Variants in SCN3A observed in about 807,000 individuals in gnomAD.
SCN3A encodes the protein sodium voltage-gated channel alpha subunit 3, also known as sodium channel protein type 3 subunit alpha.
SCN3A carries 60 observed loss-of-function variants against 187.6 expected under a neutral mutation model. The observed-to-expected ratio is 0.32, with a 90% CI of 0.26 to 0.40. The LOEUF (loss-of-function observed/expected upper bound fraction) is 0.40, where lower values mean the gene tolerates loss of function less well. SCN3A is among the 10% of genes least tolerant of loss of function. The pLI, the probability that SCN3A is intolerant of heterozygous loss-of-function variation, is 1.00. For missense variants in SCN3A, 1,601 were observed against 2,428.2 expected, an observed-to-expected ratio of 0.66 and a Z score of 7.16; for synonymous variants, 788 against 829.2, an observed-to-expected ratio of 0.95 and a Z score of 0.85.
Position 165,143,085 on chromosome 2 carries a change from T to C in SCN3A, c.1672-2087A>G, listed in dbSNP as rs75392249. ...GTGTTTTGAAACATTTGAGTGTATG[T>C]GAATCACTCTGAGAGTTAAAAATAT... On this transcript the variant is annotated intron_variant, in intron 12 of 27. Coordinates refer to ENST00000283254, the MANE Select transcript of SCN3A (RefSeq NM_006922.4). Among the ~76,000 whole-genome samples the C allele has an allele frequency of 5.1e-3, 783 of 152,208 alleles. 2 individuals are homozygous for C. The highest frequency in any genetic ancestry group is 0.018 in the African/African-American group (748 of 41,536).
At chr2:165,130,520 G>A in intron 16 of SCN3A, 1 of 553,778 alleles carries the variant, frequency 1.8e-6, no homozygotes, top group Non-Finnish European at 3.2e-6. Flanking sequence ...AAACATTTCA[G>A]AAATAATAAA....
In SCN3A at chr2:165,089,711, A is replaced by T. The variant is rs1365535828; in HGVS notation, c.*439T>A. On this transcript the variant is annotated 3_prime_UTR_variant, in exon 28 of 28. Transcript: ENST00000283254. ...ATACTGTTTCTTCAACGTAAACCTC[A>T]TTTACAAAAATAGTGACATAGCATT... is the stretch of plus-strand genomic sequence containing the variant. 1 of 162,798 alleles carries T rather than the reference A, an allele frequency of 6.1e-6. No individual in the cohort carries two copies. The highest frequency in any genetic ancestry group is 1.7e-4 in the South Asian group (1 of 5,914). 10.1% of individuals were successfully genotyped at this position (162,798 alleles called of 1,614,324 possible). A position where few individuals can be genotyped will look rare whatever the true frequency, so the allele number is the denominator to read the frequency against.
Position 165,177,559 on chromosome 2 carries a change from T to C in SCN3A, c.-50-1115A>G, listed in dbSNP as rs527384004. 1.4e-4 allele frequency among the ~76,000 whole-genome samples: 21 copies of C among 152,312 alleles called. No homozygotes were observed. The East Asian group carries it at 3.3e-3, about 24-fold the overall frequency. The stretch of plus-strand genomic sequence containing the variant: ...GGCATCCTCACAATTCAAACCACTC[T>C]TTAAACAAGTTCTTGCTGTGCTGGA... On this transcript the variant is annotated intron_variant, in intron 2 of 27. Transcript: ENST00000283254.
At chr2:165,194,165 A>G (rs1691787871) in intron 1 of SCN3A, among the ~76,000 whole-genome samples, 1 of 152,142 alleles carries the variant, frequency 6.6e-6, no homozygotes, top group South Asian at 2.1e-4. Flanking sequence ...AAATCAGACA[A>G]ACTATTCTAG....
intron 3 of SCN3A, among the ~76,000 whole-genome samples, chr2:165,171,531 G>A (rs145846563): frequency 1.3e-5 from 2 of 152,084 alleles, no homozygotes; most frequent in South Asian, 2.1e-4. Context: ...AATTTCTGAG[G>A]GATGGGCACA....
chr2:165,118,955 G>A (rs1686514011), intron 18 of SCN3A, among the ~76,000 whole-genome samples: 1 of 151,864 alleles, frequency 6.6e-6, no homozygotes, highest in African/African-American at 2.4e-5. Flanking sequence ...GTAGAGACGG[G>A]GTTTCACCAT....
chr2:165,130,644 A>G (rs2028364), intron 16 of SCN3A, among the ~76,000 whole-genome samples: 2,278 of 152,268 alleles, frequency 0.015, 43 homozygotes, highest in Admixed American at 0.049. Flanking sequence ...TTAGACAGTA[A>G]AAAGAAATAT....
Position 165,127,736 on chromosome 2 carries a change from G to A in SCN3A, c.3288C>T (p.Asn1096=), listed in dbSNP as rs753944648. The A allele has an allele frequency of 2.5e-6, 4 of 1,614,116 alleles. No homozygotes were observed. The highest frequency in any genetic ancestry group is 3.4e-6 in the Non-Finnish European group (4 of 1,180,010). Residue 1096 remains asparagine (N), a synonymous_variant, in exon 18 of 28, where the codon AAC becomes AAT. Transcript: ENST00000283254. ...DENDYMSFIN[N]PSLTVTVPIA... The stretch of plus-strand genomic sequence containing the variant: ...TTGGCACTGTGACGGTGAGGCTGGG[G>A]TTGTTTATGAATGACATATAATCAT...
At chr2:165,105,479 T>C (rs1409048330) in intron 21 of SCN3A, among the ~76,000 whole-genome samples, 2 of 152,142 alleles carry the variant, frequency 1.3e-5, no homozygotes, top group African/African-American at 4.8e-5. Context: ...AGGAGCCCTA[T>C]TTCCTATCTG....
rs752125391 is a variant in SCN3A, at chr2:165,147,015, T to C, written c.1395A>G (p.Ala465=). ...CACTGAAATCTCTTGAAGCAGCTGA[T>C]GCTGCCGCAACTGCCTGTCATAAAA... The part of the protein sequence containing the change: ...QQEEAQAVAA[A]SAASRDFSGI... Residue 465 remains alanine, a synonymous_variant, in exon 12 of 28, where the codon GCA becomes GCG. Coordinates refer to ENST00000283254, the MANE Select transcript of SCN3A (RefSeq NM_006922.4). 6.2e-7 allele frequency: 1 copy of C among 1,613,822 alleles called. No homozygotes were observed. Among genetic ancestry groups the C allele is most frequent in the East Asian group, 2.2e-5 (1 of 44,866 alleles).
rs780974412 is a variant in SCN3A at position 165,092,453 on chromosome 2, G to C, written c.4608C>G (p.Ile1536Met). The C allele has an allele frequency of 6.2e-7, 1 of 1,613,932 alleles. No individual in the cohort carries two copies. The highest frequency in any genetic ancestry group is 8.5e-7 in the Non-Finnish European group (1 of 1,179,884). ...QVFDISIMIL[I>M]CLNMVTMMVE... ...CCATCATGGTGACCATGTTGAGGCA[G>C]ATGAGGATCATGATGCTGATATCAA... The change falls in exon 27 of 28, where the codon ATC becomes ATG. Residue 1536 changes from isoleucine to methionine, a missense_variant. Around this residue, in one of 11 missense-constraint regions of SCN3A, gnomAD observed 320 missense variants for 623.2 expected, o/e 0.51. Transcript: ENST00000283254. The surrounding 1 kb of genome is among the most constrained non-coding windows in gnomAD (Gnocchi z 4.2).
At chr2:165,168,110 T>TAGA (rs1191004578) in intron 5 of SCN3A, among the ~76,000 whole-genome samples, 1 of 152,130 alleles carries the variant, frequency 6.6e-6, no homozygotes, top group Non-Finnish European at 1.5e-5. Context: ...TTATGGTTTC[T>TAGA]ATGTTGTATT....
intron 1 of SCN3A, among the ~76,000 whole-genome samples, chr2:165,203,510 C>A (rs1270687414): frequency 6.6e-6 from 1 of 152,024 alleles, no homozygotes; most frequent in African/African-American, 2.4e-5. Flanking sequence ...AGCCAGGAAA[C>A]TCATTAGACT....
intron 21 of SCN3A, among the ~76,000 whole-genome samples, chr2:165,109,970 G>A (rs1482525149): frequency 6.6e-6 from 1 of 151,758 alleles, no homozygotes; most frequent in Admixed American, 6.6e-5. Flanking sequence ...CACTTCAAGC[G>A]CTTCTGCTTC....
At chr2:165,160,645 A>G (rs1689306058) in intron 9 of SCN3A, among the ~76,000 whole-genome samples, 1 of 151,954 alleles carries the variant, frequency 6.6e-6, no homozygotes, top group Admixed American at 6.6e-5. Context: ...AATTTATTAA[A>G]AAAATTTTTT....
chr2:165,196,084 A>G (rs1691930341), intron 1 of SCN3A, among the ~76,000 whole-genome samples: 1 of 152,138 alleles, frequency 6.6e-6, no homozygotes, highest in Non-Finnish European at 1.5e-5. Flanking sequence ...CTTCTTCATA[A>G]AAGCATTCCT....
At chr2:165,164,315 T>A in intron 6 of SCN3A, 77 bp downstream of exon 6, 1 of 1,578,614 alleles carries the variant, frequency 6.3e-7, no homozygotes, top group Non-Finnish European at 8.7e-7. Context: ...CTACATTTAA[T>A]ATATGACACA....
chr2:165,173,068 T>C (rs147623308), intron 3 of SCN3A, among the ~76,000 whole-genome samples: 155 of 152,310 alleles, frequency 1.0e-3, no homozygotes, highest in African/African-American at 3.5e-3. Flanking sequence ...TTAAACCAGC[T>C]ATTTTGTACT....
chr2:165,190,552 A>C (rs538091642), intron 1 of SCN3A, among the ~76,000 whole-genome samples: 1 of 147,096 alleles, frequency 6.8e-6, no homozygotes, highest in African/African-American at 2.5e-5. Flanking sequence ...ATATTTATAT[A>C]TAACTTTATA....
Sources: gnomAD v4.1 joint callset for allele counts (sites outside exome capture counted in the v4.1 genomes callset) on GRCh38, gnomAD v4.1.1 for gene constraint, gnomAD v4.1.1 regional missense constraint, Gnocchi (gnomAD v3.1) non-coding constraint, MANE v1.5 for transcripts, NCBI Gene and HGNC (gene_info 2026-07-23, HGNC 2026-07-21) for gene names.